The following ALS2 variants were observed in gnomAD, a reference collection of about 807,000 sequenced individuals.
The protein encoded by ALS2 is alsin.
Under a neutral mutation model 203.4 loss-of-function variants are expected in ALS2, and 117 were observed. The ratio of observed to expected loss-of-function variants is 0.58; its 90% CI spans 0.50 to 0.67. ALS2 has a LOEUF of 0.67. Among genes scored for constraint, ALS2 ranks in the 30% least tolerant of loss-of-function variants. The pLI is 0.00. For synonymous variants in ALS2, 718 were observed against 725.9 expected (o/e 0.99, Z 0.17); for missense variants, 1,715 against 1,989.4 (o/e 0.86, Z 2.62).
At chr2:201,758,822 A>G (rs1693575475) in intron 4 of ALS2, among the ~76,000 whole-genome samples, 2 of 152,010 alleles carry the variant, frequency 1.3e-5, no homozygotes, top group Admixed American at 6.6e-5. Flanking sequence ...CTGACTTCCT[A>G]AAGGAAATAA....
chr2:201,732,025 A>T (rs972983500), intron 13 of ALS2, among the ~76,000 whole-genome samples: 1 of 152,058 alleles, frequency 6.6e-6, no homozygotes, highest in East Asian at 1.9e-4. Flanking sequence ...CTGGTGGAAA[A>T]TTTTTTTATT....
chr2:201,778,120 C>T (rs150998380), intron 1 of ALS2, among the ~76,000 whole-genome samples: 23 of 152,162 alleles, frequency 1.5e-4, no homozygotes, highest in African/African-American at 4.8e-4. Context: ...GTTAGCCCAC[C>T]CAAATGCCAT....
chr2:201,756,070 T>C (rs1294237363), intron 5 of ALS2, among the ~76,000 whole-genome samples: 4 of 152,092 alleles, frequency 2.6e-5, no homozygotes, highest in Non-Finnish European at 5.9e-5. Flanking sequence ...CATGTAAAAT[T>C]TTTCGAAAGA....
At chr2:201,706,551 AT>A (rs1391810211) in intron 29 of ALS2, among the ~76,000 whole-genome samples, 13 of 147,896 alleles carry the variant, frequency 8.8e-5, no homozygotes, top group Non-Finnish European at 1.5e-4. Context: ...ATATATATAT[AT>A]ATAACTATAC....
At chr2:201,715,032 A>G (rs552374188) in intron 25 of ALS2, among the ~76,000 whole-genome samples, 1 of 152,266 alleles carries the variant, frequency 6.6e-6, no homozygotes, top group East Asian at 1.9e-4. Context: ...CAAAAATGCA[A>G]TGGGGTTGGG....
At chr2:201,740,084 G>A (rs1250946262) in intron 11 of ALS2, among the ~76,000 whole-genome samples, 1 of 152,126 alleles carries the variant, frequency 6.6e-6, no homozygotes, top group African/African-American at 2.4e-5. Flanking sequence ...TAGCACTTTT[G>A]CAGGCTGAGG....
rs1199472550 is a variant in ALS2 at position 201,723,363 on chromosome 2, G to A, written c.3591C>T (p.Tyr1197=). 6.2e-7 allele frequency: 1 copy of A among 1,613,874 alleles called. No individual in the cohort carries two copies. The highest frequency in any genetic ancestry group is 1.1e-5 in the South Asian group (1 of 91,074). Residue 1197 remains tyrosine (Y), a synonymous_variant, in exon 22 of 34, where the codon TAC becomes TAT. Transcript: ENST00000264276. ...TATTAAGGTGAAAGTTGCCCTCGTA[G>A]TATAATCCAAACTGGGTAACCACCA... is the stretch of plus-strand genomic sequence containing the variant. ...NGVVVTQFGL[Y]YEGNFHLNKM...
chr2:201,754,588 C>T lies in ALS2; in HGVS notation c.1555G>A (p.Ala519Thr). 22 of 1,614,142 alleles carry T rather than the reference C, an allele frequency of 1.4e-5. No homozygotes were observed. The highest frequency in any genetic ancestry group is 1.9e-5 in the Non-Finnish European group (22 of 1,180,000). The change falls in exon 6 of 34, where the codon GCG becomes ACG. Residue 519 changes from alanine (A) to threonine (T), a missense_variant. Ala to Thr is a moderately conservative substitution (Grantham distance 58, BLOSUM62 0). Transcript: ENST00000264276. ...TCTGTTCTCAGAGAAGGCAGGAGCGCATCTGCTTCTCCACTGTATGTGGGG... is the reference window on the plus strand; with the variant it reads ...TCTGTTCTCAGAGAAGGCAGGAGCGTATCTGCTTCTCCACTGTATGTGGGG... Reference protein sequence around the residue: ...LTPTYSGEADALLPSLRTEVW... With the variant: ...LTPTYSGEADTLLPSLRTEVW...
intron 23 of ALS2, 113 bp from the exon 24 acceptor site, chr2:201,718,323 G>A (rs992407997): frequency 1.7e-5 from 20 of 1,193,106 alleles, no homozygotes; most frequent in Admixed American, 7.5e-5. Flanking sequence ...GCAGTGATGC[G>A]ATCTTGGCTC....
rs144212710 is a variant in ALS2 at position 201,777,185 on chromosome 2, C to T, written c.-61+3692G>A. Reference sequence around the variant, plus strand: ...TATACAACTTGCTCCCCTATACTTCCAGAGTTCATGATTGGTATATGCCTA... The same window carrying T: ...TATACAACTTGCTCCCCTATACTTCTAGAGTTCATGATTGGTATATGCCTA... On this transcript the variant is annotated intron_variant, in intron 1 of 33. Transcript: ENST00000264276. Among the ~76,000 whole-genome samples the T allele has an allele frequency of 6.9e-3, 1,052 of 152,166 alleles. 4 individuals are homozygous for T. The highest frequency in any genetic ancestry group is 0.012 in the Non-Finnish European group (784 of 68,000).
At chr2:201,720,185 T>C in intron 23 of ALS2, 1 of 391,008 alleles carries the variant, frequency 2.6e-6, no homozygotes, top group East Asian at 9.5e-5. Context: ...GACCATTACC[T>C]CTCATAAATA....
At chr2:201,743,621 A>T (rs1381326438) in intron 10 of ALS2, among the ~76,000 whole-genome samples, 1 of 152,082 alleles carries the variant, frequency 6.6e-6, no homozygotes, top group African/African-American at 2.4e-5. Context: ...AGTAGCTGGA[A>T]TTACAGGCAC....
intron 25 of ALS2, among the ~76,000 whole-genome samples, chr2:201,712,310 C>G (rs1690080482): frequency 6.6e-6 from 1 of 152,040 alleles, no homozygotes; most frequent in Non-Finnish European, 1.5e-5. Context: ...AATTTAATTT[C>G]TATGTAACTA....
chr2:201,760,520 CAAGT>C (rs1272141348), intron 4 of ALS2: 19 of 1,031,652 alleles, frequency 1.8e-5, no homozygotes, highest in African/African-American at 6.8e-5. Flanking sequence ...GTTACAAACA[CAAGT>C]AAGAAGAATC....
chr2:201,745,646 A>G (rs958698934), intron 9 of ALS2, among the ~76,000 whole-genome samples: 6 of 152,154 alleles, frequency 3.9e-5, no homozygotes, highest in Admixed American at 3.9e-4. Flanking sequence ...ACAGTAGGTA[A>G]ACAGTAGGAA....
chr2:201,729,149 C>T lies in ALS2; in HGVS notation c.2615G>A (p.Ser872Asn). 6.2e-7 allele frequency: 1 copy of T among 1,613,292 alleles called. No individual in the cohort carries two copies. Reference protein sequence around the residue: ...SPEYQKLQDSSSCYECLALHL... With the variant: ...SPEYQKLQDSNSCYECLALHL... ...GAGAGCAAGACACTCATAACAAGAA[C>T]TGGAATCCTGCAGTTTCTGATATTC... The change falls in exon 14 of 34, where the codon AGT becomes AAT. Residue 872 changes from serine (S) to asparagine (N), a missense_variant. By Grantham distance (46) the Ser-to-Asn change is conservative (BLOSUM62 1). Around this residue, in one of 3 missense-constraint regions of ALS2, gnomAD observed 1,227 missense variants for 1,413.5 expected, o/e 0.87. Transcript: ENST00000264276.
At chr2:201,709,668 CTTAAT>C (rs1453700188) in intron 27 of ALS2, among the ~76,000 whole-genome samples, 1 of 152,120 alleles carries the variant, frequency 6.6e-6, no homozygotes, top group Non-Finnish European at 1.5e-5. Flanking sequence ...TTTAGCTTTA[CTTAAT>C]AAGACATAAA....
At chr2:201,772,541 T>C (rs1158257496) in intron 1 of ALS2, among the ~76,000 whole-genome samples, 1 of 152,180 alleles carries the variant, frequency 6.6e-6, no homozygotes, top group African/African-American at 2.4e-5. Context: ...TGTAGAAATA[T>C]CAGTATGAAT....
intron 8 of ALS2, 142 bp downstream of exon 8, chr2:201,749,570 T>C (rs1245981248): frequency 3.7e-6 from 3 of 809,686 alleles, no homozygotes; most frequent in South Asian, 1.6e-5. Flanking sequence ...TTCCTGTTTT[T>C]AAAAATTTTC....
Sources: allele counts gnomAD v4.1 joint callset (sites outside exome capture counted in the v4.1 genomes callset), GRCh38; gene constraint gnomAD v4.1.1; regional missense constraint gnomAD v4.1.1; transcripts MANE v1.5; gene names NCBI Gene and HGNC (gene_info 2026-07-23, HGNC 2026-07-21).